ZNF682: variants seen among roughly 807,000 people sequenced by gnomAD.
The protein encoded by ZNF682 is zinc finger protein 682.
ZNF682 carries 29 observed loss-of-function variants against 36.5 expected under a neutral mutation model. That is an observed-to-expected ratio of 0.80 (90% CI 0.59 to 1.08). ZNF682 has a LOEUF of 1.08. Among genes scored for constraint, ZNF682 ranks in the 50% least tolerant of loss-of-function variants. The pLI, the probability that ZNF682 is intolerant of heterozygous loss-of-function variation, is 0.00. For synonymous variants in ZNF682, 180 were observed against 197.0 expected (o/e 0.91, Z 0.72); for missense variants, 561 against 579.7 (o/e 0.97, Z 0.33).
chr19:20,014,670 C>G (rs911042880), intron 3 of ZNF682, among the ~76,000 whole-genome samples: 2 of 150,642 alleles, frequency 1.3e-5, no homozygotes, highest in Non-Finnish European at 2.9e-5. Flanking sequence ...GTCCCAGCTA[C>G]TCAGGAGGCT....
At chr19:19,996,168 A>G (rs1383690507), downstream of ZNF682, among the ~76,000 whole-genome samples, 1 of 152,244 alleles carries the variant, frequency 6.6e-6, no homozygotes, top group African/African-American at 2.4e-5. Flanking sequence ...CCATGGGCAC[A>G]CAAACCCATC....
chr19:20,032,871 T>C (rs2088491486), intron 1 of ZNF682, among the ~76,000 whole-genome samples: 1 of 152,212 alleles, frequency 6.6e-6, no homozygotes, highest in East Asian at 1.9e-4. Flanking sequence ...GTTGATTATA[T>C]TCTATGAAAG....
At chr19:20,022,859 C>T (rs556390817) in intron 3 of ZNF682, 145 bp downstream of exon 3, 29 of 697,360 alleles carry the variant, frequency 4.2e-5, no homozygotes, top group Admixed American at 4.1e-4. Context: ...GAAGATGCCT[C>T]TGTACAAGAG....
chr19:20,023,640 C>G (rs182031376), intron 2 of ZNF682, among the ~76,000 whole-genome samples: 3 of 152,122 alleles, frequency 2.0e-5, no homozygotes, highest in African/African-American at 2.4e-5. Flanking sequence ...ATTTTAAGGT[C>G]TGGTCAATAA....
At chr19:20,000,827 C>T (rs77270035), downstream of ZNF682, among the ~76,000 whole-genome samples, 31 of 152,238 alleles carry the variant, frequency 2.0e-4, 1 homozygote, top group East Asian at 3.9e-3. Context: ...TTTACAGAGC[C>T]GCATTCAGAT....
chr19:20,015,940 T>G, intron 3 of ZNF682: 1 of 391,224 alleles, frequency 2.6e-6, no homozygotes, highest in Non-Finnish European at 4.5e-6. Context: ...TAGGAATAAA[T>G]TATGCTATCA....
chr19:19,996,377 G>A (rs1490768010), downstream of ZNF682, among the ~76,000 whole-genome samples: 1 of 152,164 alleles, frequency 6.6e-6, no homozygotes, highest in Non-Finnish European at 1.5e-5. Context: ...AAAGACACTT[G>A]CACATGCATG....
intron 1 of ZNF682, among the ~76,000 whole-genome samples, chr19:20,025,664 G>A (rs1280214164): frequency 1.3e-5 from 2 of 148,174 alleles, no homozygotes; most frequent in Non-Finnish European, 3.0e-5. Flanking sequence ...GCAACAGTGC[G>A]AGACTCCATC....
At position 20,006,731 on chromosome 19, in the gene ZNF682, G is replaced by C. The variant is rs1412957588; in HGVS notation, c.771C>G (p.Tyr257Ter). The change falls in exon 4 of 4, where the codon TAC (tyrosine) becomes TAG (stop). Residue 257 changes from tyrosine to a stop codon, truncating the protein, a stop_gained. Coordinates refer to ENST00000397165, the MANE Select transcript of ZNF682 (RefSeq NM_033196.3). LOFTEE classifies it high-confidence loss of function. The part of the protein sequence containing the change: ...HKRIHTGEKP[Y>*]KCEECGKAFH... Reference sequence around the variant, plus strand: ...AGGCTTTTCCACATTCTTCACATTTGTAGGGTTTCTCACCAGTATGGATTC... The same window carrying C: ...AGGCTTTTCCACATTCTTCACATTTCTAGGGTTTCTCACCAGTATGGATTC... 6.2e-7 allele frequency: 1 copy of C among 1,613,716 alleles called. No individual in the cohort carries two copies. Among genetic ancestry groups the C allele is most frequent in the Non-Finnish European group, 8.5e-7 (1 of 1,179,974 alleles).
intron 3 of ZNF682, among the ~76,000 whole-genome samples, chr19:20,018,300 T>C (rs562745317): frequency 2.8e-3 from 424 of 151,668 alleles, no homozygotes; most frequent in Admixed American, 4.9e-3. Flanking sequence ...TCACCGTTTT[T>C]AGCCGGGATG....
chr19:20,000,947 T>C (rs1258983155), downstream of ZNF682, among the ~76,000 whole-genome samples: 2 of 152,170 alleles, frequency 1.3e-5, no homozygotes, highest in African/African-American at 4.8e-5. Flanking sequence ...AGCAGGCACC[T>C]AGAGGTCTCT....
intron 1 of ZNF682, among the ~76,000 whole-genome samples, chr19:20,031,680 C>G (rs953689689): frequency 6.6e-6 from 1 of 152,142 alleles, no homozygotes; most frequent in East Asian, 1.9e-4. Flanking sequence ...CGGTGGCTCA[C>G]CCCTGTAATC....
chr19:20,026,302 C>CAA (rs145561353), intron 1 of ZNF682, among the ~76,000 whole-genome samples: 107 of 147,620 alleles, frequency 7.2e-4, no homozygotes, highest in Non-Finnish European at 8.8e-4. Flanking sequence ...GGCTCCGTCT[C>CAA]AAAAAAAAAA....
chr19:20,023,236 T>A, intron 2 of ZNF682, 137 bp from the exon 3 acceptor site: 1 of 713,520 alleles, frequency 1.4e-6, no homozygotes, highest in Non-Finnish European at 2.2e-6. Flanking sequence ...CGTTGGCTCA[T>A]ACCTGTAATC....
chr19:20,038,770 G>A (rs1253953349), intron 1 of ZNF682, among the ~76,000 whole-genome samples: 1 of 152,108 alleles, frequency 6.6e-6, no homozygotes, highest in Admixed American at 6.6e-5. Flanking sequence ...TAAATAAGAT[G>A]ACTACATAAC....
intron 3 of ZNF682, among the ~76,000 whole-genome samples, chr19:20,012,579 A>C (rs2088298923): frequency 6.6e-6 from 1 of 152,128 alleles, no homozygotes; most frequent in Non-Finnish European, 1.5e-5. Flanking sequence ...CATCCTGGCT[A>C]ACACGGTGAA....
intron 3 of ZNF682, among the ~76,000 whole-genome samples, chr19:20,022,480 C>A (rs757631937): frequency 7.2e-5 from 11 of 151,908 alleles, no homozygotes; most frequent in Non-Finnish European, 1.6e-4. Flanking sequence ...CCAGCCTCAA[C>A]AACTTGGAGA....
chr19:20,036,394 CAGG>C (rs5827462), intron 1 of ZNF682, among the ~76,000 whole-genome samples: 118,348 of 151,302 alleles, frequency 0.78, 46,410 homozygotes, highest in Middle Eastern at 0.87. Flanking sequence ...CACCTGAGGT[CAGG>C]AGTTCAGGAC....
chr19:20,014,982 G>A (rs2335887), intron 3 of ZNF682, among the ~76,000 whole-genome samples: 64,594 of 151,920 alleles, frequency 0.43, 16,652 homozygotes, highest in Non-Finnish European at 0.58. Flanking sequence ...GAGTAGTTTC[G>A]TGTATGTTGA....
Sources: gnomAD v4.1 joint callset for allele counts (sites outside exome capture counted in the v4.1 genomes callset) on GRCh38, gnomAD v4.1.1 for gene constraint, MANE v1.5 for transcripts, NCBI Gene and HGNC (gene_info 2026-07-23, HGNC 2026-07-21) for gene names.